Variants in GRID2 observed in about 807,000 individuals in gnomAD.
The protein encoded by GRID2 is glutamate ionotropic receptor delta type subunit 2.
GRID2 carries 33 observed loss-of-function variants against 114.8 expected under a neutral mutation model. That is an observed-to-expected ratio of 0.29 (90% confidence interval 0.22 to 0.38). The LOEUF (loss-of-function observed/expected upper bound fraction) is 0.38. GRID2 is among the 10% of genes least tolerant of loss of function. The probability of loss-of-function intolerance (pLI) is 1.00; values close to 1 mark genes in which losing one functional copy is unlikely to be tolerated. For missense variants in GRID2, 1,184 were observed against 1,257.7 expected (o/e 0.94, Z 0.89); for synonymous variants, 505 against 449.9 (o/e 1.12, Z -1.55).
chr4:92,465,427 A>G (rs556998566), intron 1 of GRID2, among the ~76,000 whole-genome samples: 17 of 152,158 alleles, frequency 1.1e-4, no homozygotes, highest in Admixed American at 7.2e-4. Context: ...GATATGAATT[A>G]TTTCACCGGA....
chr4:93,135,856 A>T (rs1418944001), intron 4 of GRID2, among the ~76,000 whole-genome samples: 2 of 152,168 alleles, frequency 1.3e-5, no homozygotes, highest in Non-Finnish European at 2.9e-5. Context: ...CTTATATCAA[A>T]ATCCTGCCAA....
intron 2 of GRID2, among the ~76,000 whole-genome samples, chr4:92,872,414 A>G (rs1417153586): frequency 6.6e-6 from 1 of 152,196 alleles, no homozygotes; most frequent in African/African-American, 2.4e-5. Flanking sequence ...TTCTCCATGA[A>G]GAAAAATCCT....
intron 13 of GRID2, among the ~76,000 whole-genome samples, chr4:93,533,537 CTTTTT>C (rs34014956): frequency 1.2e-5 from 1 of 86,478 alleles, no homozygotes. Flanking sequence ...CCACACCCAG[CTTTTT>C]TTTTTTTTTT....
At chr4:92,941,818 T>C (rs1467700402) in intron 2 of GRID2, among the ~76,000 whole-genome samples, 3 of 152,082 alleles carry the variant, frequency 2.0e-5, no homozygotes, top group Non-Finnish European at 4.4e-5. Context: ...GCGTTCATTT[T>C]TTTGTGTACC....
intron 2 of GRID2, among the ~76,000 whole-genome samples, chr4:92,766,454 G>A (rs376895394): frequency 2.7e-5 from 4 of 150,542 alleles, no homozygotes; most frequent in Admixed American, 6.6e-5. Flanking sequence ...GGAGAATGGC[G>A]TGAACCCAGG....
chr4:92,937,529 T>C (rs1206040345), intron 2 of GRID2, among the ~76,000 whole-genome samples: 3 of 146,492 alleles, frequency 2.0e-5, no homozygotes, highest in East Asian at 2.2e-4. Flanking sequence ...GAACTTCCAA[T>C]TGATCAGTAT....
intron 8 of GRID2, among the ~76,000 whole-genome samples, chr4:93,361,092 T>C (rs1218192418): frequency 6.6e-6 from 1 of 152,112 alleles, no homozygotes; most frequent in Non-Finnish European, 1.5e-5. Flanking sequence ...GTAACACTTA[T>C]TGACATCTAT....
intron 2 of GRID2, among the ~76,000 whole-genome samples, chr4:92,944,570 C>A (rs1216441701): frequency 6.6e-6 from 1 of 152,222 alleles, no homozygotes; most frequent in Non-Finnish European, 1.5e-5. Context: ...CAGTGCGCTG[C>A]ACCCACTGTC....
intron 4 of GRID2, among the ~76,000 whole-genome samples, chr4:93,168,683 C>T (rs1051554984): frequency 6.6e-6 from 1 of 152,050 alleles, no homozygotes; most frequent in African/African-American, 2.4e-5. Flanking sequence ...TTAGCTTCAA[C>T]TTAAGATCTT....
At chr4:92,336,460 G>A (rs114128842) in intron 1 of GRID2, among the ~76,000 whole-genome samples, 5,720 of 152,146 alleles carry the variant, frequency 0.038, 132 homozygotes, top group Middle Eastern at 0.058. Flanking sequence ...AGGTTAAGAA[G>A]CAATCGTTCC....
At chr4:93,715,925 TCTCTTGCCTAATTGC>T (rs1728864986) in intron 14 of GRID2, among the ~76,000 whole-genome samples, 1 of 152,194 alleles carries the variant, frequency 6.6e-6, no homozygotes, top group Non-Finnish European at 1.5e-5. Context: ...TTTATTTCTT[TCTCTTGCCTAATTGC>T]CCTGGCCAGA....
At chr4:92,453,789 G>A (rs1721070428) in intron 1 of GRID2, among the ~76,000 whole-genome samples, 1 of 152,036 alleles carries the variant, frequency 6.6e-6, no homozygotes, top group Non-Finnish European at 1.5e-5. Context: ...TTTTTTACAA[G>A]TAGAAAACAT....
At chr4:93,555,523 C>T (rs1734227516) in intron 13 of GRID2, among the ~76,000 whole-genome samples, 1 of 152,224 alleles carries the variant, frequency 6.6e-6, no homozygotes, top group African/African-American at 2.4e-5. Context: ...CCCACCACAG[C>T]TCCTCAAAGG....
At chr4:93,533,244 CTCTT>C (rs1292568112) in intron 13 of GRID2, among the ~76,000 whole-genome samples, 71 of 142,566 alleles carry the variant, frequency 5.0e-4, no homozygotes, top group South Asian at 6.9e-4. Context: ...CTTTCTTTCT[CTCTT>C]CCTTCCTTCC....
At chr4:92,870,420 G>A (rs2033587) in intron 2 of GRID2, among the ~76,000 whole-genome samples, 3,100 of 151,884 alleles carry the variant, frequency 0.02, 89 homozygotes, top group African/African-American at 0.071. Flanking sequence ...ACAGTATTTA[G>A]GTGTTTCATA....
rs556999221 is a variant in GRID2, at chr4:93,077,045, T to C, written c.245-7950T>C. Among the ~76,000 whole-genome samples, 299 of 152,336 alleles carry C rather than the reference T, an allele frequency of 2.0e-3. 2 individuals carry two copies. The highest frequency in any genetic ancestry group is 7.1e-3 in the African/African-American group (294 of 41,574). Reference sequence around the variant, plus strand: ...ACATAATGCGATTCAAAAATAGATATGATTGCTTACAGTATAGATGATTGG... The same window carrying C: ...ACATAATGCGATTCAAAAATAGATACGATTGCTTACAGTATAGATGATTGG... On this transcript the variant is annotated intron_variant, in intron 2 of 15. Coordinates refer to ENST00000282020, the MANE Select transcript of GRID2 (RefSeq NM_001510.4).
chr4:93,736,068 G>A (rs370493687), intron 14 of GRID2, among the ~76,000 whole-genome samples: 23 of 151,740 alleles, frequency 1.5e-4, no homozygotes, highest in Non-Finnish European at 2.2e-4. Context: ...TGTTCAAAAC[G>A]AACAACAAAA....
intron 8 of GRID2, among the ~76,000 whole-genome samples, chr4:93,347,049 A>G (rs1186019151): frequency 2.0e-5 from 3 of 151,844 alleles, no homozygotes; most frequent in African/African-American, 7.3e-5. Flanking sequence ...TTGCCTCACC[A>G]CTGCGGCGCG....
chr4:93,302,421 G>A (rs1363381619), intron 8 of GRID2, among the ~76,000 whole-genome samples: 1 of 152,172 alleles, frequency 6.6e-6, no homozygotes, highest in Non-Finnish European at 1.5e-5. Flanking sequence ...AGCAGCCAGG[G>A]GTCTTCAGAA....
Sources: allele counts gnomAD v4.1 joint callset (sites outside exome capture counted in the v4.1 genomes callset), GRCh38; gene constraint gnomAD v4.1.1; transcripts MANE v1.5; gene names NCBI Gene and HGNC (gene_info 2026-07-23, HGNC 2026-07-21).